The following ROBO2 variants were observed in gnomAD, a reference collection of about 807,000 sequenced individuals.
ROBO2 encodes the protein roundabout guidance receptor 2, also known as roundabout homolog 2.
A neutral mutation model predicts 160.8 loss-of-function variants in ROBO2; 53 were observed. That is an observed-to-expected ratio of 0.33 (90% confidence interval 0.26 to 0.41). The LOEUF is 0.41. Among genes scored for constraint, ROBO2 ranks in the 10% least tolerant of loss-of-function variants. The pLI is 1.00. For missense variants in ROBO2, 1,577 were observed against 1,722.4 expected (o/e 0.92, Z 1.49); for synonymous variants, 664 against 611.7 (o/e 1.09, Z -1.26).
chr3:76,826,940 G>A (rs2066641048), intron 2 of ROBO2, among the ~76,000 whole-genome samples: 1 of 152,130 alleles, frequency 6.6e-6, no homozygotes, highest in Non-Finnish European at 1.5e-5. Context: ...TGGAAAGGCT[G>A]GAATGAATTC....
At chr3:76,116,981 A>G (rs2070499176) in intron 2 of ROBO2, among the ~76,000 whole-genome samples, 1 of 152,198 alleles carries the variant, frequency 6.6e-6, no homozygotes, top group African/African-American at 2.4e-5. Context: ...AACTGAAGAA[A>G]TAGATTATGG....
intron 2 of ROBO2, among the ~76,000 whole-genome samples, chr3:76,078,389 G>A (rs984919216): frequency 1.7e-4 from 26 of 151,980 alleles, no homozygotes; most frequent in African/African-American, 6.3e-4. Context: ...TTAAAGACAG[G>A]GTCTTGTCCT....
At chr3:77,359,731 T>G (rs1017993776) in intron 2 of ROBO2, among the ~76,000 whole-genome samples, 8 of 152,270 alleles carry the variant, frequency 5.3e-5, no homozygotes, top group African/African-American at 1.9e-4. Flanking sequence ...CAGGTTGGAG[T>G]GCAGTGGCTT....
At chr3:77,468,654 ATGTTTG>A (rs895823897) in intron 2 of ROBO2, among the ~76,000 whole-genome samples, 1 of 152,154 alleles carries the variant, frequency 6.6e-6, no homozygotes, top group African/African-American at 2.4e-5. Context: ...TGTGTGAATT[ATGTTTG>A]TGTTTGTGTG....
intron 2 of ROBO2, among the ~76,000 whole-genome samples, chr3:76,880,720 A>G (rs2073249578): frequency 6.6e-6 from 1 of 152,128 alleles, no homozygotes; most frequent in Admixed American, 6.5e-5. Context: ...TTTGATACTC[A>G]TTTGTTAAAT....
At chr3:76,425,421 T>G (rs1258180861) in intron 2 of ROBO2, among the ~76,000 whole-genome samples, 1 of 152,072 alleles carries the variant, frequency 6.6e-6, no homozygotes, top group East Asian at 1.9e-4. Context: ...TCATAACATT[T>G]TAACACCTGT....
At chr3:76,926,150 C>G (rs1427826273) in intron 2 of ROBO2, among the ~76,000 whole-genome samples, 1 of 152,172 alleles carries the variant, frequency 6.6e-6, no homozygotes, top group Non-Finnish European at 1.5e-5. Flanking sequence ...CTTGCAGAAG[C>G]CTCACTGTAT....
intron 2 of ROBO2, among the ~76,000 whole-genome samples, chr3:76,623,896 A>G (rs1347563688): frequency 6.6e-6 from 1 of 152,150 alleles, no homozygotes; most frequent in Admixed American, 6.6e-5. Context: ...TGCTCTTTCA[A>G]TGATAATGAG....
chr3:77,230,259 C>T (rs901660464), intron 2 of ROBO2, among the ~76,000 whole-genome samples: 1 of 151,904 alleles, frequency 6.6e-6, no homozygotes, highest in Non-Finnish European at 1.5e-5. Flanking sequence ...ATTTTGTTTC[C>T]TTTTTGTAGA....
chr3:77,429,569 A>C (rs1226164402), intron 2 of ROBO2, among the ~76,000 whole-genome samples: 1 of 151,546 alleles, frequency 6.6e-6, no homozygotes, highest in African/African-American at 2.4e-5. Flanking sequence ...TTTGGGTTGT[A>C]AGTAATAGAA....
chr3:76,251,941 A>C (rs1254203115), intron 2 of ROBO2, among the ~76,000 whole-genome samples: 3 of 152,072 alleles, frequency 2.0e-5, no homozygotes, highest in Non-Finnish European at 2.9e-5. Context: ...TTTTATAAGA[A>C]AGACAGAAAA....
intron 2 of ROBO2, among the ~76,000 whole-genome samples, chr3:76,468,716 T>C (rs2078488146): frequency 6.6e-6 from 1 of 152,080 alleles, no homozygotes; most frequent in South Asian, 2.1e-4. Context: ...ATAGCCCATG[T>C]ACCTAGTTTT....
intron 2 of ROBO2, among the ~76,000 whole-genome samples, chr3:77,376,776 C>A (rs1278760238): frequency 6.6e-6 from 1 of 152,184 alleles, no homozygotes; most frequent in African/African-American, 2.4e-5. Context: ...TCAACACTAG[C>A]AGAGGGCTGG....
At chr3:77,057,786 G>A (rs2065904893) in intron 1 of ROBO2, among the ~76,000 whole-genome samples, 1 of 151,804 alleles carries the variant, frequency 6.6e-6, no homozygotes, top group East Asian at 1.9e-4. Context: ...GACCAGGATG[G>A]TCTCGATCTC....
chr3:76,078,417 G>A (rs1241120602), intron 2 of ROBO2, among the ~76,000 whole-genome samples: 2 of 152,132 alleles, frequency 1.3e-5, no homozygotes, highest in East Asian at 3.9e-4. Context: ...CCAGGCTGGA[G>A]TGCAATAGCA....
chr3:76,768,307 A>G (rs1018947035), intron 2 of ROBO2, among the ~76,000 whole-genome samples: 1 of 151,470 alleles, frequency 6.6e-6, no homozygotes, highest in African/African-American at 2.4e-5. Context: ...ACAGTTTAGA[A>G]TAATTTGCTC....
chr3:76,412,236 C>T (rs1363737869), intron 2 of ROBO2, among the ~76,000 whole-genome samples: 1 of 152,106 alleles, frequency 6.6e-6, no homozygotes, highest in Non-Finnish European at 1.5e-5. Context: ...CCCCTGGGTC[C>T]CTCCCCCTGG....
intron 2 of ROBO2, among the ~76,000 whole-genome samples, chr3:76,328,859 A>AAAAC (rs1290031529): frequency 6.8e-6 from 1 of 146,892 alleles, no homozygotes; most frequent in African/African-American, 2.5e-5. Context: ...ACTCCGTCTC[A>AAAAC]AAACAAACAA....
At chr3:76,947,665 T>C (rs574588239) in intron 2 of ROBO2, among the ~76,000 whole-genome samples, 2 of 151,868 alleles carry the variant, frequency 1.3e-5, no homozygotes, top group South Asian at 4.2e-4. Context: ...GACTGGTTTT[T>C]TCTTAGTTAA....
Sources: allele counts gnomAD v4.1 joint callset (sites outside exome capture counted in the v4.1 genomes callset), GRCh38; gene constraint gnomAD v4.1.1; transcripts MANE v1.5; gene names NCBI Gene and HGNC (gene_info 2026-07-23, HGNC 2026-07-21).